USP15: variants seen among roughly 807,000 people sequenced by gnomAD.
USP15 encodes ubiquitin carboxyl-terminal hydrolase 15.
USP15 carries 18 observed loss-of-function variants against 127.1 expected under a neutral mutation model. The ratio of observed to expected loss-of-function variants is 0.14; its 90% CI spans 0.10 to 0.21. The LOEUF is 0.21. USP15 is among the 10% of genes least tolerant of loss of function. The pLI is 1.00. For missense variants in USP15, 805 were observed against 1,159.9 expected, an observed-to-expected ratio of 0.69 and a Z score of 4.44; for synonymous variants, 364 against 393.7, an observed-to-expected ratio of 0.92 and a Z score of 0.89.
chr12:62,322,495 A>G (rs974235450), intron 5 of USP15, among the ~76,000 whole-genome samples: 4 of 143,544 alleles, frequency 2.8e-5, no homozygotes, highest in African/African-American at 1.1e-4. Context: ...AGCAAGTCCT[A>G]CTGATTCTAT....
At chr12:62,279,898 A>C (rs1304380038) in intron 1 of USP15, among the ~76,000 whole-genome samples, 1 of 152,160 alleles carries the variant, frequency 6.6e-6, no homozygotes, top group Non-Finnish European at 1.5e-5. Flanking sequence ...TATATATGTG[A>C]GTCTGGCTCT....
rs1243236048 is a variant in USP15, at chr12:62,415,141, T to G, written c.*10766T>G. The stretch of plus-strand genomic sequence containing the variant: ...GTAGTTCAAGTCCGAGTCCAAAGGG[T>G]TGAGAACCAGGAAAACCAATGATAA... On this transcript the variant is annotated 3_prime_UTR_variant, in exon 22 of 22. Coordinates refer to ENST00000280377, the MANE Select transcript of USP15 (RefSeq NM_001252078.2). 1 of 151,910 alleles carries G rather than the reference T, an allele frequency of 6.6e-6. No individual in the cohort carries two copies. Among genetic ancestry groups the G allele is most frequent in the Non-Finnish European group, 1.5e-5 (1 of 67,994 alleles). 9.4% of individuals were successfully genotyped at this position (151,910 alleles called of 1,614,324 possible).
At chr12:62,344,961 T>C (rs1051237528) in intron 6 of USP15, among the ~76,000 whole-genome samples, 3 of 152,202 alleles carry the variant, frequency 2.0e-5, no homozygotes, top group Non-Finnish European at 4.4e-5. Flanking sequence ...CCATCTTTCC[T>C]TTTAGGCCTC....
At chr12:62,382,612 AG>A (rs2067025201) in intron 9 of USP15, among the ~76,000 whole-genome samples, 2 of 151,936 alleles carry the variant, frequency 1.3e-5, no homozygotes, top group Admixed American at 6.6e-5. Context: ...ATGTGTAAAT[AG>A]GTTCTTTATG....
chr12:62,325,954 T>C (rs762804100), intron 6 of USP15, 21 bp downstream of exon 6: 12 of 1,596,512 alleles, frequency 7.5e-6, no homozygotes, highest in Non-Finnish European at 1.0e-5. Flanking sequence ...CCACTTCTTA[T>C]GGCTTATTGT....
chr12:62,303,235 C>A, intron 3 of USP15: 1 of 170,166 alleles, frequency 5.9e-6, no homozygotes, highest in Non-Finnish European at 1.3e-5. Flanking sequence ...CAGACTTTGG[C>A]AACCTGACCC....
chr12:62,392,053 T>C (rs920365889), intron 17 of USP15, among the ~76,000 whole-genome samples, 167 bp downstream of exon 17: 1 of 150,784 alleles, frequency 6.6e-6, no homozygotes, highest in African/African-American at 2.4e-5. Flanking sequence ...AAAAATACCT[T>C]TTTTTTTTAA....
chr12:62,375,036 G>A (rs1036801060), intron 8 of USP15, among the ~76,000 whole-genome samples: 10 of 152,042 alleles, frequency 6.6e-5, no homozygotes, highest in South Asian at 2.1e-4. Flanking sequence ...TCTTCAAGGT[G>A]TAATTAATGG....
At chr12:62,383,657 AT>A (rs1195389088) in intron 9 of USP15, among the ~76,000 whole-genome samples, 182 bp from the exon 10 acceptor site, 1 of 151,952 alleles carries the variant, frequency 6.6e-6, no homozygotes, top group East Asian at 1.9e-4. Flanking sequence ...GGTGACTCAA[AT>A]TTTTTGCCAC....
At chr12:62,296,455 C>T (rs1031685284) in intron 2 of USP15, among the ~76,000 whole-genome samples, 1 of 152,136 alleles carries the variant, frequency 6.6e-6, no homozygotes, top group Non-Finnish European at 1.5e-5. Flanking sequence ...GAATAAAGAA[C>T]ATAATCAGGG....
chr12:62,279,550 C>T (rs1439609396), intron 1 of USP15, among the ~76,000 whole-genome samples: 2 of 152,082 alleles, frequency 1.3e-5, no homozygotes. Context: ...GAGGAACCTT[C>T]ATACCATTTT....
chr12:62,275,809 A>G (rs1422397566), intron 1 of USP15, among the ~76,000 whole-genome samples: 1 of 152,106 alleles, frequency 6.6e-6, no homozygotes, highest in Non-Finnish European at 1.5e-5. Flanking sequence ...GGTGTGATGC[A>G]GTAGAGTTGG....
intron 8 of USP15, among the ~76,000 whole-genome samples, chr12:62,366,286 G>T (rs12314644): frequency 0.17 from 25,509 of 151,976 alleles, 2,180 homozygotes; most frequent in South Asian, 0.21. Flanking sequence ...AGTGGTATTC[G>T]TAGGTATTTT....
chr12:62,389,920 C>G lies in USP15; in HGVS notation c.1776C>G (p.Pro592=). 6.2e-7 allele frequency: 1 copy of G among 1,613,742 alleles called. No homozygotes were observed. The highest frequency in any genetic ancestry group is 8.5e-7 in the Non-Finnish European group (1 of 1,179,824). The part of the protein sequence containing the change: ...HHTGSSLFGQ[P]FLMAVPRNNT... Reference sequence around the variant, plus strand: ...CTGGTTCTTCACTTTTTGGTCAGCCCTTTCTTATGGCTGTACCACGAAACA... The same window carrying G: ...CTGGTTCTTCACTTTTTGGTCAGCCGTTTCTTATGGCTGTACCACGAAACA... Residue 592 remains proline, a synonymous_variant, in exon 14 of 22, where the codon CCC becomes CCG. Transcript: ENST00000280377.
chr12:62,388,714 G>A (rs945534511), intron 11 of USP15, among the ~76,000 whole-genome samples: 11 of 152,146 alleles, frequency 7.2e-5, no homozygotes, highest in Non-Finnish European at 5.9e-5. Flanking sequence ...GTAGGGAGCT[G>A]GTAAACTGGG....
intron 11 of USP15, among the ~76,000 whole-genome samples, chr12:62,386,671 A>G (rs973606376): frequency 6.6e-6 from 1 of 152,154 alleles, no homozygotes; most frequent in Non-Finnish European, 1.5e-5. Context: ...TATGGCAAGC[A>G]GGAGCTAGAT....
Position 62,294,260 on chromosome 12 carries a change from T to C in USP15, c.171T>C (p.Asp57=), listed in dbSNP as rs773260624. The change falls in exon 2 of 22, where the codon GAT becomes GAC. Residue 57 remains aspartate (D), a synonymous_variant. Coordinates refer to ENST00000280377, the MANE Select transcript of USP15 (RefSeq NM_001252078.2). ...FDSWDKYQMG[D]QNVYPGPIDN... ...GTTGGGACAAATACCAGATGGGAGA[T>C]CAAAATGTGTATCCTGGACCCATTG... is the stretch of plus-strand genomic sequence containing the variant. 3 of 1,613,632 alleles carry C rather than the reference T, an allele frequency of 1.9e-6. No individual in the cohort carries two copies. The highest frequency in any genetic ancestry group is 2.2e-5 in the South Asian group (2 of 91,062).
chr12:62,328,259 C>T (rs574159020), intron 6 of USP15: 12 of 447,480 alleles, frequency 2.7e-5, no homozygotes, highest in African/African-American at 1.6e-4. Flanking sequence ...TTTTCTATAC[C>T]GAGAGATCAG....
At chr12:62,295,043 G>T (rs553321792) in intron 2 of USP15, among the ~76,000 whole-genome samples, 6 of 152,252 alleles carry the variant, frequency 3.9e-5, no homozygotes, top group African/African-American at 1.4e-4. Flanking sequence ...CTTAGTTGAG[G>T]AAACAGAGTT....
Sources: allele counts gnomAD v4.1 joint callset (sites outside exome capture counted in the v4.1 genomes callset), GRCh38; gene constraint gnomAD v4.1.1; transcripts MANE v1.5; gene names NCBI Gene and HGNC (gene_info 2026-07-23, HGNC 2026-07-21).